KLF17: variants seen among roughly 807,000 people sequenced by gnomAD.
KLF17 encodes Krueppel-like factor 17.
In KLF17, 31 loss-of-function variants were observed where a neutral mutation model predicts 34.2. That is an observed-to-expected ratio of 0.91 (90% CI 0.68 to 1.22). The LOEUF is 1.22. Ranked by LOEUF, KLF17 falls within the 50% of genes most tolerant of loss-of-function variation. The pLI is 0.00. For missense variants in KLF17, 478 were observed against 505.2 expected (o/e 0.95, Z 0.52); for synonymous variants, 179 against 186.7 (o/e 0.96, Z 0.34).
At chr1:44,053,413 T>A in the KLF17 span, among the ~76,000 whole-genome samples, 1 of 152,176 alleles carries the variant, frequency 6.6e-6, no homozygotes, top group East Asian at 1.9e-4. Flanking sequence ...TGTTCCCCCA[T>A]GAGGCCTGTG....
the KLF17 span, among the ~76,000 whole-genome samples, chr1:44,083,450 A>G: frequency 1.3e-5 from 2 of 152,130 alleles, no homozygotes; most frequent in African/African-American, 4.8e-5. Context: ...GGAGCAAATA[A>G]TAAGCCAATA....
chr1:44,130,206 G>A lies in KLF17; in HGVS notation c.925+10G>A. On this transcript the variant is annotated intron_variant, in intron 2 of 3. Coordinates refer to ENST00000372299, the MANE Select transcript of KLF17 (RefSeq NM_173484.4). ...CAGCGCAAGCACACAGGTGAAGGAG[G>A]TGTCAGGTGGGGTGGGGATGGAGGA... is the stretch of plus-strand genomic sequence containing the variant. 1 of 1,599,368 alleles carries A rather than the reference G, an allele frequency of 6.3e-7. No homozygotes were observed. Among genetic ancestry groups the A allele is most frequent in the Non-Finnish European group, 8.5e-7 (1 of 1,172,142 alleles).
the KLF17 span, among the ~76,000 whole-genome samples, chr1:44,099,857 G>GAAAGAAAGAAAGAAAGAAAGAAAA: frequency 1.0e-5 from 1 of 97,014 alleles, no homozygotes; most frequent in African/African-American, 4.3e-5. Flanking sequence ...AAGAAAGAAA[G>GAAAGAAAGAAAGAAAGAAAGAAAA]AAAGAAAGAA....
the KLF17 span, among the ~76,000 whole-genome samples, chr1:44,096,555 C>T: frequency 7.8e-4 from 118 of 151,896 alleles, no homozygotes; most frequent in African/African-American, 2.5e-3. Context: ...CCCACCACCA[C>T]GCCTGGCTAA....
chr1:44,103,390 C>T, the KLF17 span: 10 of 761,634 alleles, frequency 1.3e-5, no homozygotes, highest in African/African-American at 1.4e-4. Context: ...TTCACAACCA[C>T]GGCCCTGGTG....
Position 44,129,436 on chromosome 1 carries a change from A to C in KLF17, c.165A>C (p.Leu55=). ...SGVHTSWNQG[L]PSIQHFPHSA... is the part of the protein sequence containing the mutation. The stretch of plus-strand genomic sequence containing the variant: ...TGCACACCTCTTGGAACCAAGGCCT[A>C]CCAAGCATTCAGCACTTTCCTCACA... Residue 55 remains leucine (L), a synonymous_variant, in exon 2 of 4, where the codon CTA becomes CTC. Coordinates refer to ENST00000372299, the MANE Select transcript of KLF17 (RefSeq NM_173484.4). The C allele has an allele frequency of 6.3e-7, 1 of 1,592,806 alleles. No homozygotes were observed. The highest frequency in any genetic ancestry group is 8.6e-7 in the Non-Finnish European group (1 of 1,168,428).
the KLF17 span, among the ~76,000 whole-genome samples, chr1:44,105,757 G>A: frequency 6.6e-6 from 1 of 152,218 alleles, no homozygotes; most frequent in South Asian, 2.1e-4. Flanking sequence ...GGTTTAGTAG[G>A]TCCCGGGGAA....
At chr1:44,079,784 T>C in the KLF17 span, among the ~76,000 whole-genome samples, 1 of 152,128 alleles carries the variant, frequency 6.6e-6, no homozygotes. Flanking sequence ...CTGAGTGCCA[T>C]GTTTTGGAAA....
At chr1:44,069,365 T>C in the KLF17 span, among the ~76,000 whole-genome samples, 1 of 152,160 alleles carries the variant, frequency 6.6e-6, no homozygotes, top group Admixed American at 6.5e-5. This position sits in a 1 kb window ranked among gnomAD's most constrained non-coding sequence, Gnocchi z 4.7. Flanking sequence ...AGGTTTATTT[T>C]GGCTTATGGT....
At chr1:44,065,404 G>GTTT in the KLF17 span, among the ~76,000 whole-genome samples, 29 of 143,678 alleles carry the variant, frequency 2.0e-4, no homozygotes, top group African/African-American at 7.7e-4. Context: ...AATAATCCTT[G>GTTT]GTTTTTTTTT....
the KLF17 span, among the ~76,000 whole-genome samples, chr1:44,088,722 C>T: frequency 6.6e-6 from 1 of 152,176 alleles, no homozygotes; most frequent in East Asian, 1.9e-4. Context: ...TGGTGGGGGG[C>T]ACAATTTAGT....
upstream of KLF17, among the ~76,000 whole-genome samples, chr1:44,116,294 T>C (rs1400367982): frequency 1.3e-5 from 2 of 152,280 alleles, no homozygotes; most frequent in East Asian, 3.9e-4. Context: ...GACCCTAAGA[T>C]ACATAAGAGC....
the KLF17 span, among the ~76,000 whole-genome samples, chr1:44,096,397 TA>T: frequency 7.4e-5 from 11 of 147,960 alleles, no homozygotes; most frequent in East Asian, 5.9e-4. Context: ...TTTTATTATT[TA>T]TTTTTCTTTT....
chr1:44,071,062 A>G, the KLF17 span, among the ~76,000 whole-genome samples: 4 of 152,106 alleles, frequency 2.6e-5, no homozygotes, highest in African/African-American at 9.7e-5. Context: ...CTGCAACTTC[A>G]GACACCATCA....
the KLF17 span, among the ~76,000 whole-genome samples, chr1:44,109,288 A>T: frequency 6.6e-6 from 1 of 152,354 alleles, no homozygotes; most frequent in African/African-American, 2.4e-5. Context: ...GACCAGTAAG[A>T]GCTTTTGTAA....
At position 44,127,630 on chromosome 1, in the gene KLF17, T is replaced by TTTTCTTTTCTTTCTTTTC. The variant is rs1553171622; in HGVS notation, c.82-1716_82-1715insTCTTTCTTTTCTTTCTTT. On this transcript the variant is annotated intron_variant, in intron 1 of 3. Coordinates refer to ENST00000372299, the MANE Select transcript of KLF17 (RefSeq NM_173484.4). ...TCTTTCTTTCTTTTCTTTTCTTTTCTTTTCTTTCCTTCTTTCTTTCTTTCT... is the reference window on the plus strand; with the variant it reads ...TCTTTCTTTCTTTTCTTTTCTTTTCTTTTCTTTTCTTTCTTTTCTTTCTTTCCTTCTTTCTTTCTTTCT... Among the ~76,000 whole-genome samples the TTTTCTTTTCTTTCTTTTC allele has an allele frequency of 1.7e-3, 77 of 46,000 alleles. 3 individuals carry two copies. The highest frequency in any genetic ancestry group is 8.5e-3 in the Middle Eastern group (1 of 118). The allele number at this position is 46,000 out of a possible 152,430, so 30.2% of individuals were successfully genotyped here.
At chr1:44,044,628 C>T in the KLF17 span, 1 of 152,312 alleles carries the variant, frequency 6.6e-6, no homozygotes, top group Non-Finnish European at 1.5e-5. Flanking sequence ...GCACTGGAAA[C>T]TCCCCAAGAA....
At chr1:44,131,706 T>C (rs1292230425) in intron 3 of KLF17, among the ~76,000 whole-genome samples, 1 of 152,116 alleles carries the variant, frequency 6.6e-6, no homozygotes, top group Non-Finnish European at 1.5e-5. Flanking sequence ...GGGAAATTTA[T>C]TTATTTGAGA....
chr1:44,056,537 T>C, the KLF17 span, among the ~76,000 whole-genome samples: 1 of 152,230 alleles, frequency 6.6e-6, no homozygotes. Flanking sequence ...GGATGGAACC[T>C]GCTAACAGGC....
Sources: allele counts gnomAD v4.1 joint callset (sites outside exome capture counted in the v4.1 genomes callset), GRCh38; gene constraint gnomAD v4.1.1; non-coding constraint Gnocchi (gnomAD v3.1); transcripts MANE v1.5; gene names NCBI Gene and HGNC (gene_info 2026-07-23, HGNC 2026-07-21).